Variants in CFAP20DC observed in about 807,000 individuals in gnomAD.
CFAP20DC encodes protein CFAP20DC.
Under a neutral mutation model 101.7 loss-of-function variants are expected in CFAP20DC, and 84 were observed. The observed-to-expected ratio is 0.83, with a 90% CI of 0.69 to 0.99. The LOEUF is 0.99. CFAP20DC is among the 50% of genes least tolerant of loss of function. CFAP20DC has a pLI of 0.00. For synonymous variants in CFAP20DC, 359 were observed against 351.2 expected, an observed-to-expected ratio of 1.02 and a Z score of -0.25; for missense variants, 1,007 against 970.3, an observed-to-expected ratio of 1.04 and a Z score of -0.50.
chr3:58,908,480 T>C (rs1258795864), intron 6 of CFAP20DC, among the ~76,000 whole-genome samples: 1 of 152,132 alleles, frequency 6.6e-6, no homozygotes, highest in African/African-American at 2.4e-5. Flanking sequence ...AACGGTGAAA[T>C]ATCCAAAACA....
chr3:58,727,377 T>A (rs1456297141), intron 3 of CFAP20DC: 3 of 152,384 alleles, frequency 2.0e-5, no homozygotes, highest in African/African-American at 7.2e-5. Flanking sequence ...AAAAACTTAA[T>A]TGGCTTCTTA....
intron 10 of CFAP20DC, 22 bp downstream of exon 10, chr3:58,867,795 T>C (rs1317083528): frequency 1.2e-6 from 2 of 1,613,148 alleles, no homozygotes; most frequent in Admixed American, 1.7e-5. Context: ...AGATATAAGA[T>C]AGGATTGAAA....
intron 3 of CFAP20DC, chr3:58,725,890 C>T: frequency 5.9e-6 from 1 of 168,976 alleles, no homozygotes; most frequent in Non-Finnish European, 1.3e-5. Flanking sequence ...CTTTCTGGAG[C>T]TTTTTGGAAC....
intron 12 of CFAP20DC, among the ~76,000 whole-genome samples, chr3:58,849,869 G>C (rs1280168255): frequency 6.6e-6 from 1 of 152,130 alleles, no homozygotes; most frequent in Non-Finnish European, 1.5e-5. Context: ...AATACAAGTG[G>C]GTCTAGGGAA....
At position 58,971,905 on chromosome 3, in the gene CFAP20DC, G is replaced by C. The variant is rs2091973357; in HGVS notation, c.279-34143C>G. 6.6e-6 allele frequency among the ~76,000 whole-genome samples: 1 copy of C among 150,648 alleles called. No individual in the cohort carries two copies. Among genetic ancestry groups the C allele is most frequent in the Non-Finnish European group, 1.5e-5 (1 of 67,606 alleles). ...CACACACACACACAATTAAGCTCTA[G>C]AGGTACTCCCAAAAAATCCTGCTAA... On this transcript the variant is annotated intron_variant, in intron 4 of 16. Coordinates refer to ENST00000482387, the MANE Select transcript of CFAP20DC (RefSeq NM_001394063.1). The surrounding 1 kb of genome is among the most constrained non-coding windows in gnomAD (Gnocchi z 4.1).
chr3:58,818,093 G>C (rs1196840004), intron 14 of CFAP20DC, among the ~76,000 whole-genome samples: 3 of 150,360 alleles, frequency 2.0e-5, no homozygotes, highest in Non-Finnish European at 3.0e-5. Context: ...CAAATGCTGA[G>C]AGATTTTGTC....
chr3:58,890,429 C>CG (rs1302622441), intron 6 of CFAP20DC, among the ~76,000 whole-genome samples: 24 of 116,458 alleles, frequency 2.1e-4, no homozygotes, highest in East Asian at 5.5e-4. Flanking sequence ...GCTGGCCGGG[C>CG]GGGGGGGCTG....
At chr3:58,760,986 C>G (rs949430618) in intron 15 of CFAP20DC, among the ~76,000 whole-genome samples, 4 of 152,172 alleles carry the variant, frequency 2.6e-5, no homozygotes, top group Admixed American at 2.0e-4. Context: ...GGATATTGGT[C>G]TAAGATGCTC....
At chr3:58,770,077 C>T (rs984510303) in intron 15 of CFAP20DC, among the ~76,000 whole-genome samples, 1 of 152,148 alleles carries the variant, frequency 6.6e-6, no homozygotes, top group African/African-American at 2.4e-5. Flanking sequence ...AGTACTTTCC[C>T]TCAGGTTAAG....
In CFAP20DC at chr3:58,795,786, G is replaced by T. The variant is rs1204320996; in HGVS notation, c.2237+10609C>A. On this transcript the variant is annotated intron_variant, in intron 15 of 16. Coordinates refer to ENST00000482387, the MANE Select transcript of CFAP20DC (RefSeq NM_001394063.1). This position sits in a 1 kb window ranked among gnomAD's most constrained non-coding sequence, Gnocchi z 4.2. Reference sequence around the variant, plus strand: ...TGGGTTTCATAAGTTTATAATTTTCGAAAACATGACAATAACTGAAAATTA... The same window carrying T: ...TGGGTTTCATAAGTTTATAATTTTCTAAAACATGACAATAACTGAAAATTA... 6.6e-6 allele frequency among the ~76,000 whole-genome samples: 1 copy of T among 152,084 alleles called. No individual in the cohort carries two copies. The highest frequency in any genetic ancestry group is 1.5e-5 in the Non-Finnish European group (1 of 68,022).
chr3:58,891,026 G>A (rs371560041), intron 6 of CFAP20DC, among the ~76,000 whole-genome samples: 12 of 147,734 alleles, frequency 8.1e-5, no homozygotes, highest in East Asian at 4.0e-4. Flanking sequence ...ACGGGGTGGC[G>A]GCCGGGCAGA....
intron 12 of CFAP20DC, among the ~76,000 whole-genome samples, chr3:58,855,584 C>G (rs563796174): frequency 6.6e-6 from 1 of 151,850 alleles, no homozygotes; most frequent in Non-Finnish European, 1.5e-5. Flanking sequence ...TGGAACCAAC[C>G]CAAATGTCCA....
At chr3:58,968,027 C>A (rs1240994989) in intron 4 of CFAP20DC, among the ~76,000 whole-genome samples, 1 of 152,176 alleles carries the variant, frequency 6.6e-6, no homozygotes, top group African/African-American at 2.4e-5. Flanking sequence ...CATATTCCTG[C>A]AAAAGACATG....
Position 58,863,635 on chromosome 3 carries a change from G to T in CFAP20DC, c.1516C>A (p.Leu506Ile). Residue 506 changes from leucine (L) to isoleucine (I), a missense_variant, in exon 12 of 17, where the codon CTA (leucine) becomes ATA (isoleucine). Coordinates refer to ENST00000482387, the MANE Select transcript of CFAP20DC (RefSeq NM_001394063.1). The surrounding 1 kb of genome is among the most constrained non-coding windows in gnomAD (Gnocchi z 5.9). ...SPEELSFILD[L>I]KEDNSVTSRD... ...CTTGTCACACTGTTATCCTCTTTTA[G>T]ATCCAAAATAAATGAGAGCTCCTCT... The T allele has an allele frequency of 6.2e-7, 1 of 1,614,104 alleles. No individual in the cohort carries two copies. The highest frequency in any genetic ancestry group is 8.5e-7 in the Non-Finnish European group (1 of 1,180,016).
At position 58,862,127 on chromosome 3, in the gene CFAP20DC, C is replaced by T. The variant is rs374899595; in HGVS notation, c.1593+1431G>A. ...AGGGCAGATTATCCATAATACTTCT[C>T]TCATAGTTTTCCAGAGAACTACCAT... On this transcript the variant is annotated intron_variant, in intron 12 of 16. Transcript: ENST00000482387. 2.3e-5 allele frequency: 22 copies of T among 947,200 alleles called. No individual in the cohort carries two copies. In the East Asian group the frequency reaches 2.3e-3, roughly 100 times the overall value. The allele number at this position is 947,200 out of a possible 1,614,324, so 58.7% of individuals were successfully genotyped here.
intron 14 of CFAP20DC, among the ~76,000 whole-genome samples, chr3:58,811,856 C>T (rs1177872552): frequency 2.0e-5 from 3 of 147,676 alleles, no homozygotes; most frequent in Admixed American, 1.4e-4. Context: ...AACAAATTTA[C>T]AAGAAAAAAA....
chr3:58,919,817 G>C (rs1425526608), intron 5 of CFAP20DC, among the ~76,000 whole-genome samples: 1 of 152,016 alleles, frequency 6.6e-6, no homozygotes, highest in Non-Finnish European at 1.5e-5. Context: ...CTAGTGTATA[G>C]AAATACAACT....
chr3:58,828,204 T>A (rs1375418707), intron 14 of CFAP20DC, among the ~76,000 whole-genome samples: 1 of 152,078 alleles, frequency 6.6e-6, no homozygotes, highest in Non-Finnish European at 1.5e-5. Flanking sequence ...AGAGATCAGA[T>A]CAGATCAGAT....
intron 6 of CFAP20DC, among the ~76,000 whole-genome samples, chr3:58,893,397 T>G (rs968549866): frequency 6.6e-6 from 1 of 152,180 alleles, no homozygotes; most frequent in African/African-American, 2.4e-5. Flanking sequence ...AAGATAATCA[T>G]GTGGTTTTTG....
Sources: allele counts gnomAD v4.1 joint callset (sites outside exome capture counted in the v4.1 genomes callset), GRCh38; gene constraint gnomAD v4.1.1; non-coding constraint Gnocchi (gnomAD v3.1); transcripts MANE v1.5; gene names NCBI Gene and HGNC (gene_info 2026-07-23, HGNC 2026-07-21).